The following PRELID2 variants were observed in gnomAD, a reference collection of about 807,000 sequenced individuals.
The protein encoded by PRELID2 is PRELI domain-containing protein 2.
Under a neutral mutation model 28.4 loss-of-function variants are expected in PRELID2, and 25 were observed. That is an observed-to-expected ratio of 0.88 (90% CI 0.64 to 1.23). The LOEUF is 1.23. Ranked by LOEUF, PRELID2 falls within the 50% of genes most tolerant of loss-of-function variation. The pLI, the probability that PRELID2 is intolerant of heterozygous loss-of-function variation, is 0.00. For missense variants in PRELID2, 201 were observed against 214.4 expected (o/e 0.94, Z 0.39); for synonymous variants, 76 against 71.6 (o/e 1.06, Z -0.31).
chr5:145,297,621 C>A, the PRELID2 span, among the ~76,000 whole-genome samples: 1 of 151,464 alleles, frequency 6.6e-6, no homozygotes, highest in East Asian at 1.9e-4. Flanking sequence ...CTGGCCAGGG[C>A]AATTAGGCAG....
chr5:145,479,387 T>G (rs767598256), intron 1 of PRELID2, among the ~76,000 whole-genome samples: 2 of 152,190 alleles, frequency 1.3e-5, no homozygotes, highest in Non-Finnish European at 2.9e-5. Context: ...CACACGTTGT[T>G]TCCATGGCCT....
At chr5:145,742,178 AAATT>A (rs1756838780) in intron 1 of PRELID2, among the ~76,000 whole-genome samples, 2 of 100,818 alleles carry the variant, frequency 2.0e-5, no homozygotes, top group Admixed American at 1.4e-4. Context: ...TATTAATTAT[AAATT>A]TATATATAAA....
At chr5:145,749,774 CTA>C (rs1757081434) in intron 1 of PRELID2, among the ~76,000 whole-genome samples, 4 of 152,098 alleles carry the variant, frequency 2.6e-5, no homozygotes, top group African/African-American at 9.7e-5. Flanking sequence ...CTATGGAATA[CTA>C]CACAGCCATA....
intron 1 of PRELID2, among the ~76,000 whole-genome samples, chr5:145,562,519 C>G (rs1006540677): frequency 6.6e-6 from 1 of 151,950 alleles, no homozygotes; most frequent in Non-Finnish European, 1.5e-5. Context: ...TTTGGTGCAC[C>G]CATTGCCTGC....
chr5:145,249,937 G>GTCTCTCTCTCTCTCTC, the PRELID2 span, among the ~76,000 whole-genome samples: 35 of 138,610 alleles, frequency 2.5e-4, no homozygotes, highest in African/African-American at 9.0e-4. Flanking sequence ...CTCTCTCTCT[G>GTCTCTCTCTCTCTCTC]TCTCTCTCTC....
chr5:145,281,812 G>A, the PRELID2 span, among the ~76,000 whole-genome samples: 1 of 152,150 alleles, frequency 6.6e-6, no homozygotes, highest in Non-Finnish European at 1.5e-5. Flanking sequence ...ATGGACTTGG[G>A]TTAAAATACT....
chr5:145,558,569 G>A (rs1329873332), intron 1 of PRELID2, among the ~76,000 whole-genome samples: 1 of 152,154 alleles, frequency 6.6e-6, no homozygotes, highest in African/African-American at 2.4e-5. Context: ...CTTTAGAATT[G>A]GCTTTAGAAC....
At chr5:145,596,633 C>G (rs6884591) in intron 1 of PRELID2, among the ~76,000 whole-genome samples, 29,298 of 151,918 alleles carry the variant, frequency 0.19, 5,003 homozygotes, top group African/African-American at 0.45. Flanking sequence ...AAAAAATGCA[C>G]AGTACTTCCC....
At chr5:145,553,932 A>G (rs1752859408) in intron 1 of PRELID2, among the ~76,000 whole-genome samples, 1 of 152,174 alleles carries the variant, frequency 6.6e-6, no homozygotes, top group African/African-American at 2.4e-5. Flanking sequence ...ACAGAAATTC[A>G]AAAGTGAAGG....
chr5:145,308,642 C>T, the PRELID2 span, among the ~76,000 whole-genome samples: 1 of 151,402 alleles, frequency 6.6e-6, no homozygotes, highest in Non-Finnish European at 1.5e-5. Context: ...TTGCCTAATA[C>T]AATGCATTCT....
At chr5:145,420,180 G>A in the PRELID2 span, among the ~76,000 whole-genome samples, 1 of 152,194 alleles carries the variant, frequency 6.6e-6, no homozygotes, top group South Asian at 2.1e-4. Flanking sequence ...CTCCAGCTTT[G>A]TTCTTTTGGC....
the PRELID2 span, among the ~76,000 whole-genome samples, chr5:145,397,465 T>TA: frequency 7.9e-5 from 12 of 151,566 alleles, no homozygotes; most frequent in South Asian, 8.4e-4. Flanking sequence ...TAGGGGGAAA[T>TA]AAAAAAAAAC....
chr5:145,560,256 T>C (rs1490294294), intron 1 of PRELID2, among the ~76,000 whole-genome samples: 2 of 152,234 alleles, frequency 1.3e-5, no homozygotes, highest in Non-Finnish European at 2.9e-5. Flanking sequence ...CTGTCTGTAC[T>C]AATAAGTGCT....
At chr5:145,627,791 C>T (rs1019895255) in intron 1 of PRELID2, among the ~76,000 whole-genome samples, 2 of 152,198 alleles carry the variant, frequency 1.3e-5, no homozygotes, top group African/African-American at 4.8e-5. Context: ...ATGATCATGG[C>T]CCCAGGCTAC....
the PRELID2 span, among the ~76,000 whole-genome samples, chr5:145,384,734 G>A: frequency 6.6e-6 from 1 of 152,144 alleles, no homozygotes; most frequent in African/African-American, 2.4e-5. Flanking sequence ...ATGGCGGAAG[G>A]TGAAGTAGGA....
At chr5:145,619,051 G>A (rs953352329) in intron 1 of PRELID2, among the ~76,000 whole-genome samples, 2 of 152,110 alleles carry the variant, frequency 1.3e-5, no homozygotes, top group African/African-American at 4.8e-5. Flanking sequence ...TAACAGCACT[G>A]AGCCTGTTTC....
At chr5:145,593,676 A>G (rs1397302644) in intron 1 of PRELID2, among the ~76,000 whole-genome samples, 2 of 152,202 alleles carry the variant, frequency 1.3e-5, no homozygotes, top group Non-Finnish European at 2.9e-5. Flanking sequence ...ACTGTACTGC[A>G]GAGTCATCAA....
chr5:145,234,172 T>G, the PRELID2 span, among the ~76,000 whole-genome samples: 1 of 152,170 alleles, frequency 6.6e-6, no homozygotes, highest in Non-Finnish European at 1.5e-5. Context: ...TAGCTTTACT[T>G]CATTTTCCTG....
rs1251251185 is a variant in PRELID2 at position 145,756,544 on chromosome 5, G to C, written c.*3992C>G. ...AATACACAAAAACACTAACACAGCT[G>C]GGGGAGACAATGGTTTATTGATCAA... On this transcript the variant is annotated 3_prime_UTR_variant, in exon 7 of 7. Coordinates refer to ENST00000683046, the MANE Select transcript of PRELID2 (RefSeq NM_205846.3). Among the ~76,000 whole-genome samples the C allele has an allele frequency of 6.6e-6, 1 of 152,156 alleles. No individual in the cohort carries two copies. Among genetic ancestry groups the C allele is most frequent in the Non-Finnish European group, 1.5e-5 (1 of 68,030 alleles).
Sources: allele counts gnomAD v4.1 joint callset (sites outside exome capture counted in the v4.1 genomes callset), GRCh38; gene constraint gnomAD v4.1.1; transcripts MANE v1.5; gene names NCBI Gene and HGNC (gene_info 2026-07-23, HGNC 2026-07-21).